FBN3: variants seen among roughly 807,000 people sequenced by gnomAD.
FBN3 encodes fibrillin-3.
In FBN3, 234 loss-of-function variants were observed where a neutral mutation model predicts 330.1. The ratio of observed to expected loss-of-function variants is 0.71; its 90% confidence interval spans 0.64 to 0.79. The LOEUF is 0.79. FBN3 is among the 30% of genes least tolerant of loss of function. The pLI, the probability that FBN3 is intolerant of heterozygous loss-of-function variation, is 0.00. For missense variants in FBN3, 3,606 were observed against 3,886.9 expected (o/e 0.93, Z 1.92); for synonymous variants, 1,458 against 1,517.3 (o/e 0.96, Z 0.91).
chr19:8,135,936 G>GGGGGGGGGGGGGCCCCCCCCCCCCCCCCC, intron 13 of FBN3, 25 bp downstream of exon 13: 17 of 668,752 alleles, frequency 2.5e-5, no homozygotes, highest in East Asian at 3.9e-5. Context: ...GGAAGCCCCT[G>GGGGGGGGGGGGGCCCCCCCCCCCCCCCCC]CCCACCCGCC....
At chr19:8,116,863 G>T in intron 28 of FBN3, 64 bp from the exon 29 acceptor site, 1 of 1,563,626 alleles carries the variant, frequency 6.4e-7, no homozygotes, top group Non-Finnish European at 8.7e-7. Flanking sequence ...GTACACATCT[G>T]CTCCCCAGGC....
At chr19:8,071,850 ACC>A (rs34243008) in intron 63 of FBN3, among the ~76,000 whole-genome samples, 196 bp downstream of exon 63, 1 of 151,058 alleles carries the variant, frequency 6.6e-6, no homozygotes, top group African/African-American at 2.4e-5. Flanking sequence ...TCCCCCAGAG[ACC>A]CCCCCCAAGA....
intron 40 of FBN3, among the ~76,000 whole-genome samples, chr19:8,101,499 G>A (rs1361081625): frequency 6.6e-6 from 1 of 152,144 alleles, no homozygotes; most frequent in Non-Finnish European, 1.5e-5. Context: ...CTCCTGCTGT[G>A]CCCCTGCCTA....
chr19:8,130,659 GGAAAAGAAAAGAAAAGAAAAGAAAA>G (rs1294557631), intron 16 of FBN3, among the ~76,000 whole-genome samples: 1 of 37,240 alleles, frequency 2.7e-5, no homozygotes, highest in African/African-American at 1.4e-4. Flanking sequence ...GGAAAGGAAA[GGAAAAGAAAAGAAAAGAAAAGAAAA>G]GAAAAGAAAA....
chr19:8,135,936 G>GGGGGGGGGGGGGGCGCCCC, intron 13 of FBN3, 25 bp downstream of exon 13: 1 of 668,778 alleles, frequency 1.5e-6, no homozygotes, highest in Non-Finnish European at 2.4e-6. Flanking sequence ...GGAAGCCCCT[G>GGGGGGGGGGGGGGCGCCCC]CCCACCCGCC....
At chr19:8,094,411 T>C (rs749047202) in intron 47 of FBN3, 35 bp downstream of exon 47, 7 of 1,583,124 alleles carry the variant, frequency 4.4e-6, no homozygotes, top group Non-Finnish European at 5.2e-6. Context: ...AGGCACTCCC[T>C]GGCGCCAGAA....
rs369408354 is a variant in FBN3 at position 8,143,780 on chromosome 19, A to AGG, written c.541+1096_541+1097insCC. ...AATGCTAGAATTGCAGGCATGAGCC[A>AGG]CAGTGCCTGGCCTCTTTTCTTTCTT... On this transcript the variant is annotated intron_variant, in intron 6 of 63. Coordinates refer to ENST00000600128, the MANE Select transcript of FBN3 (RefSeq NM_032447.5). Among the ~76,000 whole-genome samples the AGG allele has an allele frequency of 1.3e-4, 19 of 149,098 alleles. 1 individual carries two copies. The highest frequency in any genetic ancestry group is 4.4e-4 in the African/African-American group (18 of 40,628).
At chr19:8,085,311 A>G in intron 56 of FBN3, 52 bp downstream of exon 56, 1 of 1,490,126 alleles carries the variant, frequency 6.7e-7, no homozygotes. Flanking sequence ...GACCCTGAGC[A>G]AACTCCCCCG....
At position 8,097,372 on chromosome 19, in the gene FBN3, C is replaced by T. The variant is rs1285231249; in HGVS notation, c.5204G>A (p.Gly1735Asp). The change falls in exon 42 of 64, where the codon GGC becomes GAC. Residue 1735 changes from glycine (G) to aspartate (D), a missense_variant. Coordinates refer to ENST00000600128, the MANE Select transcript of FBN3 (RefSeq NM_032447.5). The part of the protein sequence containing the change: ...CGEIPAICAN[G>D]ICINQIGSFR... Reference sequence around the variant, plus strand: ...ACTCCCGATCTGGTTTATGCAGATGCCATTGGCACAGATGGCGGGGATCTC... The same window carrying T: ...ACTCCCGATCTGGTTTATGCAGATGTCATTGGCACAGATGGCGGGGATCTC... 2 of 1,605,672 alleles carry T rather than the reference C, an allele frequency of 1.2e-6. No homozygotes were observed. Among genetic ancestry groups the T allele is most frequent in the Non-Finnish European group, 1.7e-6 (2 of 1,173,344 alleles).
At chr19:8,100,755 T>C in intron 41 of FBN3, 146 bp downstream of exon 41, 5 of 677,646 alleles carry the variant, frequency 7.4e-6, no homozygotes, top group South Asian at 1.7e-5. Flanking sequence ...GCAGGATTCC[T>C]GGGGAGTTGG....
chr19:8,107,463 G>A (rs1280900759), intron 37 of FBN3, among the ~76,000 whole-genome samples: 2 of 149,798 alleles, frequency 1.3e-5, no homozygotes, highest in Non-Finnish European at 3.0e-5. Flanking sequence ...ATGGATGGAT[G>A]GTCGAGTGGA....
chr19:8,095,917 T>C (rs2082198317), intron 45 of FBN3, 47 bp downstream of exon 45: 2 of 1,238,398 alleles, frequency 1.6e-6, no homozygotes, highest in East Asian at 4.7e-5. Flanking sequence ...CTTCCTTAGA[T>C]TCTGAGAACC....
chr19:8,087,141 A>C lies in FBN3; in HGVS notation c.6690T>G (p.Gly2230=). The change falls in exon 54 of 64, where the codon GGT becomes GGG. Residue 2230 remains glycine, a synonymous_variant. Transcript: ENST00000600128. The stretch of plus-strand genomic sequence containing the variant: ...CTGGGGGACAGACGCACGCGAAGGT[A>C]CCGATGAGGTTCTTGCACTCCATGC... ...ARGMECKNLI[G]TFACVCPPGM... 1 of 1,610,904 alleles carries C rather than the reference A, an allele frequency of 6.2e-7. No individual in the cohort carries two copies. The highest frequency in any genetic ancestry group is 2.2e-5 in the East Asian group (1 of 44,736).
intron 48 of FBN3, among the ~76,000 whole-genome samples, chr19:8,090,483 GGTGGT>G (rs1187377289): frequency 3.4e-4 from 28 of 82,300 alleles, no homozygotes; most frequent in Admixed American, 6.5e-4. Flanking sequence ...TGGTGGTGGT[GGTGGT>G]TTTTTTTTTT....
chr19:8,123,251 G>T (rs879547652), intron 24 of FBN3, among the ~76,000 whole-genome samples: 5 of 152,120 alleles, frequency 3.3e-5, no homozygotes, highest in African/African-American at 1.2e-4. Context: ...CTACTTAGGA[G>T]GCTGAGGCAG....
rs1419127690 is a variant in FBN3 at position 8,089,914 on chromosome 19, C to T, written c.6230G>A (p.Gly2077Asp). The T allele has an allele frequency of 1.2e-6, 2 of 1,603,996 alleles. No individual in the cohort carries two copies. The highest frequency in any genetic ancestry group is 1.7e-6 in the Non-Finnish European group (2 of 1,176,096). The change falls in exon 50 of 64, where the codon GGC becomes GAC. Residue 2077 changes from glycine (G) to aspartate (D), a missense_variant. Transcript: ENST00000600128. ...CTCACCTTCTCGGGAGTCATCCGGG[C>T]CTGGGACTGCCCCGTGGCCAAAGGG... The part of the protein sequence containing the change: ...LCPFGHGAVP[G>D]PDDSREDVNE...
At chr19:8,101,746 C>G (rs1343168072) in intron 40 of FBN3, among the ~76,000 whole-genome samples, 1 of 151,950 alleles carries the variant, frequency 6.6e-6, no homozygotes, top group African/African-American at 2.4e-5. Flanking sequence ...TTACCGACCC[C>G]CTCCCACTTT....
intron 41 of FBN3, 32 bp downstream of exon 41, chr19:8,100,869 G>A: frequency 6.3e-7 from 1 of 1,590,546 alleles, no homozygotes; most frequent in African/African-American, 1.3e-5. Flanking sequence ...GTGGATGGGT[G>A]CCCAGGGATA....
chr19:8,130,625 A>G (rs61157725), intron 16 of FBN3, among the ~76,000 whole-genome samples: 125 of 4,042 alleles, frequency 0.031, 10 homozygotes, highest in Middle Eastern at 0.062. Context: ...AGAAAGAAAG[A>G]AAGAAAGAAA....
Sources: gnomAD v4.1 joint callset for allele counts (sites outside exome capture counted in the v4.1 genomes callset) on GRCh38, gnomAD v4.1.1 for gene constraint, MANE v1.5 for transcripts, NCBI Gene and HGNC (gene_info 2026-07-23, HGNC 2026-07-21) for gene names.